Variants in ARHGAP6 observed in about 807,000 individuals in gnomAD.
The protein encoded by ARHGAP6 is rho GTPase-activating protein 6.
ARHGAP6 carries 16 observed loss-of-function variants against 55.7 expected under a neutral mutation model. The ratio of observed to expected loss-of-function variants is 0.29; its 90% CI spans 0.19 to 0.44. The LOEUF is 0.44. ARHGAP6 is among the 20% of genes least tolerant of loss of function. The pLI is 1.00. For synonymous variants in ARHGAP6, 382 were observed against 360.9 expected (o/e 1.06, Z -0.66); for missense variants, 698 against 808.9 (o/e 0.86, Z 1.66).
intron 1 of ARHGAP6, among the ~76,000 whole-genome samples, chrX:11,277,594 G>C (rs1452278435): frequency 9.0e-6 from 1 of 111,021 alleles, no homozygotes; most frequent in Non-Finnish European, 1.9e-5. Flanking sequence ...TCAGCCATCA[G>C]AGCTTTTTCC....
chrX:11,462,404 G>A (rs1424971355), intron 1 of ARHGAP6, among the ~76,000 whole-genome samples: 1 of 112,088 alleles, frequency 8.9e-6, no homozygotes, highest in Non-Finnish European at 1.9e-5. Context: ...GATGATGTGG[G>A]AAAGCGACCT....
intron 6 of ARHGAP6, among the ~76,000 whole-genome samples, chrX:11,179,684 TATATATGTATAC>T (rs1403475051): frequency 2.8e-5 from 3 of 106,372 alleles, no homozygotes; most frequent in African/African-American, 1.0e-4. Context: ...TATACACATG[TATATATGTATAC>T]ATATATACAA....
Position 11,445,847 on chromosome X carries a change from ACT to A in ARHGAP6, c.589-191142_589-191141del, listed in dbSNP as rs1469792513. On this transcript the variant is annotated intron_variant, in intron 1 of 12. Transcript: ENST00000337414. The stretch of plus-strand genomic sequence containing the variant: ...ATATCAACAGTGCTGAGGTTGAGAA[ACT>A]CTGAATTAAAGCCAGCAGAAGCTAG... Among the ~76,000 whole-genome samples the A allele has an allele frequency of 4.5e-5, 5 of 110,759 alleles. No homozygotes were observed. In the East Asian group the frequency reaches 1.1e-3, roughly 25 times the overall value.
intron 1 of ARHGAP6, among the ~76,000 whole-genome samples, chrX:11,651,245 G>A (rs2052580657): frequency 9.0e-6 from 1 of 111,463 alleles, no homozygotes; most frequent in Non-Finnish European, 1.9e-5. Context: ...CAGGTATTAA[G>A]CCTAGTACTC....
intron 1 of ARHGAP6, among the ~76,000 whole-genome samples, chrX:11,511,833 G>C (rs2050787284): frequency 9.1e-6 from 1 of 110,391 alleles, no homozygotes; most frequent in Non-Finnish European, 1.9e-5. Flanking sequence ...ACAAAATTAT[G>C]ATTTTTTTTT....
intron 1 of ARHGAP6, among the ~76,000 whole-genome samples, chrX:11,302,060 T>C (rs919786541): frequency 2.7e-5 from 3 of 112,409 alleles, no homozygotes; most frequent in African/African-American, 9.7e-5. Context: ...AATTATACTC[T>C]AATACTTGCA....
intron 2 of ARHGAP6, among the ~76,000 whole-genome samples, chrX:11,201,520 C>A (rs972582344): frequency 9.0e-6 from 1 of 111,723 alleles, no homozygotes; most frequent in South Asian, 3.8e-4. Context: ...CAGGACTATC[C>A]AATGTCAAAG....
intron 1 of ARHGAP6, among the ~76,000 whole-genome samples, chrX:11,646,399 C>T (rs1400656497): frequency 9.0e-6 from 1 of 111,005 alleles, no homozygotes; most frequent in Non-Finnish European, 1.9e-5. Flanking sequence ...AGGAACATTG[C>T]CTAGAACAGG....
At chrX:11,614,438 G>C (rs1247867462) in intron 1 of ARHGAP6, among the ~76,000 whole-genome samples, 1 of 111,678 alleles carries the variant, frequency 9.0e-6, no homozygotes, top group East Asian at 2.8e-4. Flanking sequence ...TACATGGCTA[G>C]AGCAGGAGAG....
At position 11,238,208 on chromosome X, in the gene ARHGAP6, G is replaced by T. The variant is rs141250789; in HGVS notation, c.748+16340C>A. 4.1e-4 allele frequency among the ~76,000 whole-genome samples: 46 copies of T among 112,574 alleles called. 2 individuals are homozygous for T. The East Asian group carries it at 0.011, about 26-fold the overall frequency. On this transcript the variant is annotated intron_variant, in intron 2 of 12. Transcript: ENST00000337414. ...CTGTTTTAAACAGAACAATGTAAAA[G>T]TGTTTACAAATTATGAAGCCTTTAT...
intron 2 of ARHGAP6, among the ~76,000 whole-genome samples, chrX:11,209,433 CTG>C (rs2046756067): frequency 8.9e-6 from 1 of 112,293 alleles, no homozygotes; most frequent in African/African-American, 3.2e-5. Context: ...GTGTGAGCCA[CTG>C]TGCCCAGCCA....
At chrX:11,442,313 TAA>T (rs777850004) in intron 1 of ARHGAP6, among the ~76,000 whole-genome samples, 15 of 99,990 alleles carry the variant, frequency 1.5e-4, no homozygotes, top group African/African-American at 5.1e-4. Flanking sequence ...ACCCTCTTCT[TAA>T]AAAAAAAAAA....
At chrX:11,569,454 T>C (rs772717777) in intron 1 of ARHGAP6, among the ~76,000 whole-genome samples, 8 of 111,955 alleles carry the variant, frequency 7.1e-5, no homozygotes, top group Admixed American at 1.9e-4. Context: ...TCAGTGCTAG[T>C]AGGATTTCAG....
chrX:11,300,801 C>T (rs2048164789), intron 1 of ARHGAP6: 2 of 433,596 alleles, frequency 4.6e-6, no homozygotes, highest in Admixed American at 7.2e-5. Context: ...ATTTTCCTAT[C>T]ATTTGAGATG....
intron 1 of ARHGAP6, among the ~76,000 whole-genome samples, chrX:11,535,341 T>G (rs2051091710): frequency 8.9e-6 from 1 of 112,161 alleles, no homozygotes; most frequent in East Asian, 2.8e-4. Flanking sequence ...ACAGCCATAT[T>G]GTCTCCTTGG....
At chrX:11,261,547 A>C (rs1347558658) in intron 1 of ARHGAP6, among the ~76,000 whole-genome samples, 1 of 111,704 alleles carries the variant, frequency 9.0e-6, no homozygotes, top group Admixed American at 9.5e-5. Context: ...AGTGATCATC[A>C]TGGAATTTTT....
intron 1 of ARHGAP6, among the ~76,000 whole-genome samples, chrX:11,443,407 T>G (rs182966102): frequency 1.8e-5 from 2 of 112,174 alleles, no homozygotes; most frequent in East Asian, 5.6e-4. Flanking sequence ...GTTGGGCGTA[T>G]ACCTGAGAGT....
intron 1 of ARHGAP6, among the ~76,000 whole-genome samples, chrX:11,377,678 C>T (rs1245771312): frequency 9.0e-6 from 1 of 111,708 alleles, no homozygotes; most frequent in Non-Finnish European, 1.9e-5. Flanking sequence ...GATTAGTCCC[C>T]TCGTGAGCGG....
intron 1 of ARHGAP6, among the ~76,000 whole-genome samples, chrX:11,629,673 G>T (rs2052339234): frequency 9.1e-6 from 1 of 110,291 alleles, no homozygotes; most frequent in Non-Finnish European, 1.9e-5. Flanking sequence ...TAAGACAAAG[G>T]CATTGCCTCT....
Sources: gnomAD v4.1 joint callset for allele counts (sites outside exome capture counted in the v4.1 genomes callset) on GRCh38, gnomAD v4.1.1 for gene constraint, MANE v1.5 for transcripts, NCBI Gene and HGNC (gene_info 2026-07-23, HGNC 2026-07-21) for gene names.